The following TTI1 variants were observed in gnomAD, a reference collection of about 807,000 sequenced individuals.
The protein encoded by TTI1 is TELO2-interacting protein 1 homolog.
A neutral mutation model predicts 85.4 loss-of-function variants in TTI1; 52 were observed. The observed-to-expected ratio is 0.61, with a 90% confidence interval of 0.49 to 0.77. TTI1 has a LOEUF of 0.77. Among genes scored for constraint, TTI1 ranks in the 30% least tolerant of loss-of-function variants. The pLI is 0.00. For missense variants in TTI1, 1,173 were observed against 1,296.0 expected (o/e 0.91, Z 1.46); for synonymous variants, 512 against 503.9 (o/e 1.02, Z -0.22).
At chr20:37,985,306 A>C (rs2073175078) in intron 7 of TTI1, among the ~76,000 whole-genome samples, 1 of 152,224 alleles carries the variant, frequency 6.6e-6, no homozygotes, top group Admixed American at 6.5e-5. Flanking sequence ...AATTATTCTA[A>C]GGAGCCTCTT....
At chr20:38,030,355 A>G (rs1029915118) in intron 1 of TTI1, among the ~76,000 whole-genome samples, 5 of 152,138 alleles carry the variant, frequency 3.3e-5, no homozygotes, top group Non-Finnish European at 7.3e-5. Context: ...AATTCTGCAC[A>G]TACTCTTCTA....
chr20:38,007,611 T>C (rs2073520430), intron 2 of TTI1, among the ~76,000 whole-genome samples: 1 of 152,240 alleles, frequency 6.6e-6, no homozygotes, highest in African/African-American at 2.4e-5. Context: ...CAACAACAAA[T>C]CCCACAGCCT....
In TTI1 at chr20:37,983,346, A is replaced by T; in HGVS notation, c.*110T>A. On this transcript the variant is annotated 3_prime_UTR_variant, in exon 8 of 8. Coordinates refer to ENST00000373447, the MANE Select transcript of TTI1 (RefSeq NM_001303457.2). The stretch of plus-strand genomic sequence containing the variant: ...AATTTATAAATCGATTGGCTAACTA[A>T]TTCACCTTCTCTGCTGCCGCTGCCA... 1 of 1,127,572 alleles carries T rather than the reference A, an allele frequency of 8.9e-7. No homozygotes were observed. The highest frequency in any genetic ancestry group is 2.6e-5 in the East Asian group (1 of 38,372). The allele number at this position is 1,127,572 out of a possible 1,614,324, so 69.8% of individuals were successfully genotyped here.
intron 2 of TTI1, among the ~76,000 whole-genome samples, chr20:38,007,757 T>C (rs898442029): frequency 6.6e-5 from 10 of 152,230 alleles, no homozygotes; most frequent in African/African-American, 2.4e-4. Flanking sequence ...AGATGGGAGA[T>C]GACAGGGCCA....
chr20:37,984,192 C>T (rs1400602197), intron 7 of TTI1, among the ~76,000 whole-genome samples: 2 of 152,238 alleles, frequency 1.3e-5, no homozygotes, highest in Non-Finnish European at 2.9e-5. Flanking sequence ...CTCATGGCTC[C>T]CGTGTGAGGA....
intron 7 of TTI1, among the ~76,000 whole-genome samples, chr20:37,985,479 G>C (rs2073178105): frequency 6.6e-6 from 1 of 152,042 alleles, no homozygotes; most frequent in Non-Finnish European, 1.5e-5. Context: ...CATACACTAA[G>C]GAGGTCAGGG....
chr20:38,033,239 G>A (rs2073943990), intron 1 of TTI1, among the ~76,000 whole-genome samples, 165 bp downstream of exon 1: 1 of 152,152 alleles, frequency 6.6e-6, no homozygotes, highest in African/African-American at 2.4e-5. Context: ...CCAGAGAGCC[G>A]AACACATATG....
At chr20:37,994,577 A>G (rs1279673215) in intron 7 of TTI1, among the ~76,000 whole-genome samples, 1 of 150,936 alleles carries the variant, frequency 6.6e-6, no homozygotes, top group East Asian at 2.0e-4. Flanking sequence ...TTCAGCATCA[A>G]GATGCCAAAT....
At chr20:38,010,896 C>G (rs1369935522) in intron 2 of TTI1, among the ~76,000 whole-genome samples, 1 of 152,194 alleles carries the variant, frequency 6.6e-6, no homozygotes, top group South Asian at 2.1e-4. Flanking sequence ...TCTAGACCTG[C>G]TCTGTCCAGT....
At chr20:37,992,744 G>A (rs6022266) in intron 7 of TTI1, among the ~76,000 whole-genome samples, 1 of 152,202 alleles carries the variant, frequency 6.6e-6, no homozygotes, top group Non-Finnish European at 1.5e-5. Context: ...AGTTCAACTA[G>A]GCTAAGTACA....
At chr20:38,025,146 A>T (rs2073819944) in intron 1 of TTI1, among the ~76,000 whole-genome samples, 1 of 152,196 alleles carries the variant, frequency 6.6e-6, no homozygotes, top group East Asian at 1.9e-4. Context: ...TTTAGTCTAA[A>T]CATTAGACTA....
At chr20:37,985,320 T>C (rs536461644) in intron 7 of TTI1, among the ~76,000 whole-genome samples, 40 of 152,352 alleles carry the variant, frequency 2.6e-4, no homozygotes, top group Non-Finnish European at 4.9e-4. Context: ...GCCTCTTGCA[T>C]ACTGCTGGGC....
At chr20:37,984,817 G>C (rs2073169359) in intron 7 of TTI1, among the ~76,000 whole-genome samples, 1 of 152,226 alleles carries the variant, frequency 6.6e-6, no homozygotes, top group Non-Finnish European at 1.5e-5. Flanking sequence ...GTAGGTTGCT[G>C]TATCTCGGGC....
intron 1 of TTI1, among the ~76,000 whole-genome samples, chr20:38,032,634 GA>G (rs1268789853): frequency 6.6e-6 from 1 of 152,164 alleles, no homozygotes. Context: ...GCCCAGGCTG[GA>G]GTGCAGTGGC....
At chr20:37,995,821 A>G (rs1012336586) in intron 7 of TTI1, among the ~76,000 whole-genome samples, 1 of 152,242 alleles carries the variant, frequency 6.6e-6, no homozygotes, top group African/African-American at 2.4e-5. Context: ...CCTTTAAGCC[A>G]TTAGTCTGGC....
intron 7 of TTI1, among the ~76,000 whole-genome samples, chr20:37,984,371 C>A (rs1472796007): frequency 1.3e-5 from 2 of 152,204 alleles, no homozygotes; most frequent in African/African-American, 4.8e-5. Context: ...AGCTCAAGGG[C>A]CCTGGGCTAC....
chr20:38,013,797 G>A lies in TTI1; in HGVS notation c.20C>T (p.Pro7Leu). MAVFDTPEEAFGVLRPV... is the reference protein window; with the variant it reads MAVFDTLEEAFGVLRPV... ...ACGTAAGACACCAAAGGCCTCCTCA[G>A]GAGTATCAAAAACTGCCATTGTGCA... is the stretch of plus-strand genomic sequence containing the variant. The change falls in exon 2 of 8, where the codon CCT (proline) becomes CTT (leucine). Residue 7 changes from proline to leucine, a missense_variant. Transcript: ENST00000373447. The A allele has an allele frequency of 6.2e-7, 1 of 1,612,098 alleles. No individual in the cohort carries two copies. The highest frequency in any genetic ancestry group is 1.1e-5 in the South Asian group (1 of 90,986).
chr20:37,998,557 A>G (rs2073375604), intron 5 of TTI1, among the ~76,000 whole-genome samples: 1 of 152,202 alleles, frequency 6.6e-6, no homozygotes, highest in Non-Finnish European at 1.5e-5. Context: ...TATCCGTGCT[A>G]ATGTAAGCCA....
intron 2 of TTI1, among the ~76,000 whole-genome samples, chr20:38,009,368 GCTC>G (rs1248233409): frequency 1.5e-4 from 23 of 152,218 alleles, no homozygotes; most frequent in Admixed American, 1.4e-3. Context: ...TCCTTCTCTT[GCTC>G]CTCAAGGCCC....
Sources: gnomAD v4.1 joint callset for allele counts (sites outside exome capture counted in the v4.1 genomes callset) on GRCh38, gnomAD v4.1.1 for gene constraint, MANE v1.5 for transcripts, NCBI Gene and HGNC (gene_info 2026-07-23, HGNC 2026-07-21) for gene names.